Variants in CXADR observed in about 807,000 individuals in gnomAD.
CXADR encodes the protein CXADR cell adhesion molecule, also known as coxsackievirus and adenovirus receptor.
A neutral mutation model predicts 40.3 loss-of-function variants in CXADR; 20 were observed. The observed-to-expected ratio is 0.50, with a 90% CI of 0.35 to 0.72. The LOEUF is 0.72. Ranked by LOEUF, CXADR falls within the 30% of genes least tolerant of loss-of-function variation. CXADR has a pLI of 0.01. For synonymous variants in CXADR, 150 were observed against 161.3 expected, an observed-to-expected ratio of 0.93 and a Z score of 0.53; for missense variants, 332 against 449.1, an observed-to-expected ratio of 0.74 and a Z score of 2.36.
the CXADR span, among the ~76,000 whole-genome samples, chr21:17,628,611 C>T: frequency 6.6e-6 from 1 of 152,286 alleles, no homozygotes; most frequent in South Asian, 2.1e-4. Context: ...AGCGATTTTC[C>T]TGTCTTAGCC....
At chr21:17,572,208 A>AAG (rs908652445), downstream of CXADR, among the ~76,000 whole-genome samples, 15 of 1,184 alleles carry the variant, frequency 0.013, no homozygotes, top group Admixed American at 0.18. Flanking sequence ...CTAAAAATAC[A>AAG]AAAAAAAAAA....
chr21:17,567,112 T>G lies in CXADR; in HGVS notation c.*1420T>G, dbSNP rs1203480597. On this transcript the variant is annotated 3_prime_UTR_variant, in exon 7 of 7. Transcript: ENST00000284878. ...GGATACAGTAGAATGAGCCAACAGTTTCTTTATAATAAATACGGTCTGCAA... is the reference window on the plus strand; with the variant it reads ...GGATACAGTAGAATGAGCCAACAGTGTCTTTATAATAAATACGGTCTGCAA... 5 of 983,486 alleles carry G rather than the reference T, an allele frequency of 5.1e-6. No homozygotes were observed. Among genetic ancestry groups the G allele is most frequent in the Non-Finnish European group, 6.0e-6 (5 of 828,306 alleles). 60.9% of individuals were successfully genotyped at this position (983,486 alleles called of 1,614,324 possible).
rs77980799 is a variant in CXADR at position 17,541,863 on chromosome 21, A to G, written c.44-5164A>G. Among the ~76,000 whole-genome samples the G allele has an allele frequency of 6.7e-3, 1,023 of 152,264 alleles. 13 individuals are homozygous for G. The highest frequency in any genetic ancestry group is 0.024 in the African/African-American group (980 of 41,550). On this transcript the variant is annotated intron_variant, in intron 1 of 6. Coordinates refer to ENST00000284878, the MANE Select transcript of CXADR (RefSeq NM_001338.5). ...TGGTGAAGGTAAATTTGATCGTTTG[A>G]TTAAGGTGATGTATACCAGATTTCT...
At chr21:17,628,531 C>T in the CXADR span, among the ~76,000 whole-genome samples, 4 of 151,706 alleles carry the variant, frequency 2.6e-5, no homozygotes, top group Admixed American at 6.6e-5. Flanking sequence ...GACGGAGTCT[C>T]GCTCTGTCGT....
At chr21:17,549,121 G>A (rs1569113120) in intron 2 of CXADR, among the ~76,000 whole-genome samples, 1 of 152,196 alleles carries the variant, frequency 6.6e-6, no homozygotes, top group South Asian at 2.1e-4. Context: ...TGCTTGGGCA[G>A]TGTTTTGTAT....
In CXADR at chr21:17,513,109, G is replaced by C; in HGVS notation, c.-21G>C. 1 of 1,347,704 alleles carries C rather than the reference G, an allele frequency of 7.4e-7. No homozygotes were observed. The highest frequency in any genetic ancestry group is 2.0e-5 in the South Asian group (1 of 49,708). 83.5% of individuals were successfully genotyped at this position (1,347,704 alleles called of 1,614,324 possible). On this transcript the variant is annotated 5_prime_UTR_variant, in exon 1 of 7. Transcript: ENST00000284878. ...CGAGAGCCGCCTACCTGCAGCCGCC[G>C]CCCACGGCACGGCAGCCACCATGGC... is the stretch of plus-strand genomic sequence containing the variant.
At chr21:17,612,941 CG>C in the CXADR span, 1 of 152,004 alleles carries the variant, frequency 6.6e-6, no homozygotes, top group Non-Finnish European at 1.5e-5. Context: ...GCTCGCGGCC[CG>C]GAAGAGGGGA....
chr21:17,529,034 CTT>C lies in CXADR; in HGVS notation c.43+15883_43+15884del, dbSNP rs10530177. On this transcript the variant is annotated intron_variant, in intron 1 of 6. Coordinates refer to ENST00000284878, the MANE Select transcript of CXADR (RefSeq NM_001338.5). ...TGTCCAATTTGACTGGACTTTTTGT[CTT>C]TTTTTTTTTTTTTTTTTTTTGAGAC... Among the ~76,000 whole-genome samples, 83 of 121,376 alleles carry C rather than the reference CTT, an allele frequency of 6.8e-4. No homozygotes were observed. In the East Asian group the frequency reaches 7.2e-3, roughly 11 times the overall value. 79.6% of individuals were successfully genotyped at this position (121,376 alleles called of 152,430 possible). A position where few individuals can be genotyped will look rare whatever the true frequency, so the allele number is the denominator to read the frequency against.
intron 1 of CXADR, among the ~76,000 whole-genome samples, chr21:17,535,123 G>A (rs908099930): frequency 2.6e-5 from 4 of 151,854 alleles, no homozygotes; most frequent in Middle Eastern, 3.4e-3. Flanking sequence ...ATCATTTTTT[G>A]ACTATTATTG....
chr21:17,609,073 T>C, the CXADR span: 1 of 1,614,138 alleles, frequency 6.2e-7, no homozygotes, highest in East Asian at 2.2e-5. Context: ...CAACTGCCTC[T>C]TTTTTCAACT....
chr21:17,573,423 A>T (rs1183124792), downstream of CXADR, among the ~76,000 whole-genome samples: 1 of 152,168 alleles, frequency 6.6e-6, no homozygotes, highest in Non-Finnish European at 1.5e-5. Context: ...TTGGTATAAA[A>T]CATGTACCCA....
intron 1 of CXADR, among the ~76,000 whole-genome samples, chr21:17,535,402 T>C (rs922208740): frequency 1.3e-4 from 19 of 151,968 alleles, no homozygotes; most frequent in Non-Finnish European, 4.4e-5. Context: ...CTCACTATGT[T>C]GCCCAGGTTG....
chr21:17,623,665 A>G, the CXADR span, among the ~76,000 whole-genome samples: 2 of 152,172 alleles, frequency 1.3e-5, no homozygotes, highest in Non-Finnish European at 2.9e-5. Flanking sequence ...CATACATAAC[A>G]TGTCCCAAGA....
At chr21:17,627,884 GT>G in the CXADR span, among the ~76,000 whole-genome samples, 2 of 152,164 alleles carry the variant, frequency 1.3e-5, no homozygotes, top group African/African-American at 4.8e-5. Context: ...TAAAGTTTGG[GT>G]CAATACAATA....
At chr21:17,548,276 C>T (rs1242584889) in intron 2 of CXADR, among the ~76,000 whole-genome samples, 1 of 152,134 alleles carries the variant, frequency 6.6e-6, no homozygotes, top group African/African-American at 2.4e-5. Flanking sequence ...CAAACCCAGT[C>T]GGTTTGCCCT....
chr21:17,591,676 T>A (rs1180066030), intron 7 of CXADR, among the ~76,000 whole-genome samples: 1 of 151,864 alleles, frequency 6.6e-6, no homozygotes. Context: ...AATACAAAAA[T>A]AAAATGGAGA....
chr21:17,523,189 A>G (rs1342991836), intron 1 of CXADR, among the ~76,000 whole-genome samples: 1 of 152,134 alleles, frequency 6.6e-6, no homozygotes, highest in Non-Finnish European at 1.5e-5. Flanking sequence ...GCATGCCGAT[A>G]CTGTCATTGT....
chr21:17,557,734 A>G (rs1049418484), intron 3 of CXADR, among the ~76,000 whole-genome samples: 1 of 117,790 alleles, frequency 8.5e-6, no homozygotes, highest in South Asian at 3.3e-4. Flanking sequence ...GTAGTATTCT[A>G]TTCATGTGGT....
At chr21:17,516,162 C>G (rs78991228) in intron 1 of CXADR, among the ~76,000 whole-genome samples, 4,546 of 152,210 alleles carry the variant, frequency 0.03, 245 homozygotes, top group African/African-American at 0.1. Flanking sequence ...CCAAGCAACC[C>G]GAGAGGGTAT....
Sources: gnomAD v4.1 joint callset for allele counts (sites outside exome capture counted in the v4.1 genomes callset) on GRCh38, gnomAD v4.1.1 for gene constraint, MANE v1.5 for transcripts, NCBI Gene and HGNC (gene_info 2026-07-23, HGNC 2026-07-21) for gene names.